Variants in CYB5RL observed in about 807,000 individuals in gnomAD.
CYB5RL encodes the protein NADH-cytochrome b5 reductase-like.
CYB5RL carries 38 observed loss-of-function variants against 37.5 expected under a neutral mutation model. The ratio of observed to expected loss-of-function variants is 1.01; its 90% CI spans 0.78 to 1.33. The LOEUF (loss-of-function observed/expected upper bound fraction) is 1.33, where lower values mean the gene tolerates loss of function less well. Among genes scored for constraint, CYB5RL ranks in the 40% most tolerant of loss-of-function variants. CYB5RL has a pLI of 0.00. For missense variants in CYB5RL, 388 were observed against 394.4 expected, an observed-to-expected ratio of 0.98 and a Z score of 0.14; for synonymous variants, 141 against 151.9, an observed-to-expected ratio of 0.93 and a Z score of 0.53.
chr1:54,193,926 T>C (rs1342404756), intron 3 of CYB5RL, among the ~76,000 whole-genome samples: 2 of 150,594 alleles, frequency 1.3e-5, no homozygotes, highest in African/African-American at 2.4e-5. Context: ...GCTGAGATCA[T>C]GCCACTGTAC....
intron 7 of CYB5RL, among the ~76,000 whole-genome samples, chr1:54,175,886 G>C (rs931925159): frequency 6.6e-6 from 1 of 152,110 alleles, no homozygotes; most frequent in Non-Finnish European, 1.5e-5. Context: ...GCTATCTGCA[G>C]GGGGTCCTGG....
Position 54,171,738 on chromosome 1 carries a change from C to T in CYB5RL, c.*2881G>A, listed in dbSNP as rs1227152312. 9.0e-6 allele frequency: 3 copies of T among 333,946 alleles called. No individual in the cohort carries two copies. In the East Asian group the frequency reaches 2.2e-4, roughly 25 times the overall value. 20.7% of individuals were successfully genotyped at this position (333,946 alleles called of 1,614,324 possible). The stretch of plus-strand genomic sequence containing the variant: ...CGGTGGCCACGCCTCCCACAACACG[C>T]AGTGGGCATCATCAGAGGAACAGCA... On this transcript the variant is annotated 3_prime_UTR_variant, in exon 8 of 8. Transcript: ENST00000534324.
At chr1:54,176,575 T>C (rs1370936458) in intron 7 of CYB5RL, among the ~76,000 whole-genome samples, 4 of 151,862 alleles carry the variant, frequency 2.6e-5, no homozygotes, top group Non-Finnish European at 5.9e-5. Context: ...CCTCACAGAG[T>C]CTGTGCTGAT....
intron 1 of CYB5RL, among the ~76,000 whole-genome samples, chr1:54,198,026 TCAAAAAAAAAAAAAAA>T (rs1557727791): frequency 3.0e-5 from 1 of 33,208 alleles, no homozygotes; most frequent in African/African-American, 1.8e-4. Context: ...AGACTCTGTC[TCAAAAAAAAAAAAAAA>T]AAAAAAAAAA....
chr1:54,191,272 T>TTTATTTGTCC (rs1465332145), intron 3 of CYB5RL, among the ~76,000 whole-genome samples: 12 of 152,200 alleles, frequency 7.9e-5, no homozygotes, highest in Non-Finnish European at 1.8e-4. Flanking sequence ...CTTCTGAGTC[T>TTTATTTGTCC]TTATTTGCTC....
Position 54,195,595 on chromosome 1 carries a change from C to T in CYB5RL, c.22G>A (p.Asp8Asn), listed in dbSNP as rs775737889. 6.2e-7 allele frequency: 1 copy of T among 1,611,328 alleles called. No individual in the cohort carries two copies. Among genetic ancestry groups the T allele is most frequent in the Admixed American group, 1.7e-5 (1 of 59,926 alleles). Reference protein sequence around the residue: MMAEREEDDDTEEAWMQL... With the variant: MMAEREENDDTEEAWMQL... Reference sequence around the variant, plus strand: ...ATCCAGGCTTCCTCAGTGTCGTCGTCCTCTTCCCTCTCAGCCATCATCAGT... The same window carrying T: ...ATCCAGGCTTCCTCAGTGTCGTCGTTCTCTTCCCTCTCAGCCATCATCAGT... The change falls in exon 3 of 8, where the codon GAC becomes AAC. Residue 8 changes from aspartate (D) to asparagine (N), a missense_variant. Asp to Asn is a conservative substitution (Grantham distance 23, BLOSUM62 1). Transcript: ENST00000534324.
Position 54,195,656 on chromosome 1 carries a change from T to A in CYB5RL, c.-40A>T. Reference sequence around the variant, plus strand: ...CAGCCTAGAAGGAACAACTGGGTGCTCTTCCAGAACAGGCCAGGCTCTATG... The same window carrying A: ...CAGCCTAGAAGGAACAACTGGGTGCACTTCCAGAACAGGCCAGGCTCTATG... On this transcript the variant is annotated 5_prime_UTR_variant, in exon 3 of 8. Transcript: ENST00000534324. 1 of 1,567,944 alleles carries A rather than the reference T, an allele frequency of 6.4e-7. No homozygotes were observed. The highest frequency in any genetic ancestry group is 1.7e-5 in the Admixed American group (1 of 57,344).
Position 54,174,710 on chromosome 1 carries a change from G to A in CYB5RL, c.857C>T (p.Ala286Val). The A allele has an allele frequency of 6.2e-7, 1 of 1,613,996 alleles. No individual in the cohort carries two copies. Among genetic ancestry groups the A allele is most frequent in the Non-Finnish European group, 8.5e-7 (1 of 1,179,890 alleles). ...LVSCCRRKPF[A>V]LVCGSAEFTK... Reference sequence around the variant, plus strand: ...GAACTCAGCCGAGCCACAGACCAGTGCGAATGGCTTTCTCCGACAGCAGCT... The same window carrying A: ...GAACTCAGCCGAGCCACAGACCAGTACGAATGGCTTTCTCCGACAGCAGCT... Residue 286 changes from alanine to valine, a missense_variant, in exon 8 of 8, where the codon GCA becomes GTA. Ala to Val is a moderately conservative substitution (Grantham distance 64). Coordinates refer to ENST00000534324, the MANE Select transcript of CYB5RL (RefSeq NM_001031672.4).
At position 54,174,581 on chromosome 1, in the gene CYB5RL, G is replaced by A. The variant is rs777476366; in HGVS notation, c.*38C>T. 1.9e-6 allele frequency: 3 copies of A among 1,571,404 alleles called. No individual in the cohort carries two copies. The highest frequency in any genetic ancestry group is 2.3e-5 in the South Asian group (2 of 85,646). ...CTGTGCTCCTTCCTGGGTCCCAGTA[G>A]CAGGCTCATGGCCTAGGCTTTGGAA... On this transcript the variant is annotated 3_prime_UTR_variant, in exon 8 of 8. Coordinates refer to ENST00000534324, the MANE Select transcript of CYB5RL (RefSeq NM_001031672.4).
In CYB5RL at chr1:54,170,836, T is replaced by C; in HGVS notation, c.*3783A>G. 1 of 314,686 alleles carries C rather than the reference T, an allele frequency of 3.2e-6. No individual in the cohort carries two copies. Among genetic ancestry groups the C allele is most frequent in the African/African-American group, 2.2e-5 (1 of 46,490 alleles). The allele number at this position is 314,686 out of a possible 1,614,324, so 19.5% of individuals were successfully genotyped here. ...GAAAATCGCTTGAAGTCTCAGAAGCTTAGTTTCCTCATCAGTAAATTGGGG... is the reference window on the plus strand; with the variant it reads ...GAAAATCGCTTGAAGTCTCAGAAGCCTAGTTTCCTCATCAGTAAATTGGGG... On this transcript the variant is annotated 3_prime_UTR_variant, in exon 8 of 8. Transcript: ENST00000534324.
In CYB5RL at chr1:54,195,448, T is replaced by C; in HGVS notation, c.169A>G (p.Arg57Gly). Residue 57 changes from arginine (R) to glycine (G), a missense_variant, in exon 3 of 8, where the codon AGG becomes GGG. Transcript: ENST00000534324. Reference protein sequence around the residue: ...RWEAAQASKDRSLLRGPESQS... With the variant: ...RWEAAQASKDGSLLRGPESQS... ...GACTCTGGCCCACGCAGCAGGCTCC[T>C]GTCCTTGCTGGCTTGGGCTGCCTCC... 6.2e-7 allele frequency: 1 copy of C among 1,610,000 alleles called. No individual in the cohort carries two copies. Among genetic ancestry groups the C allele is most frequent in the Non-Finnish European group, 8.5e-7 (1 of 1,177,358 alleles).
At chr1:54,191,521 C>T (rs1400569892) in intron 3 of CYB5RL, among the ~76,000 whole-genome samples, 1 of 152,230 alleles carries the variant, frequency 6.6e-6, no homozygotes, top group Admixed American at 6.5e-5. Context: ...TCTCAGCCCA[C>T]TGCCTTTAAC....
rs955408612 is a variant in CYB5RL, at chr1:54,187,671, T to C, written c.416A>G (p.Tyr139Cys). Residue 139 changes from tyrosine (Y) to cysteine (C), a missense_variant, in exon 5 of 8, where the codon TAC becomes TGC. Coordinates refer to ENST00000534324, the MANE Select transcript of CYB5RL (RefSeq NM_001031672.4). ...TPISPANAEGYFEVLIKCYQM... is the reference protein window; with the variant it reads ...TPISPANAEGCFEVLIKCYQM... ...ACTCACCTTAATTAACACTTCAAAGTATCCTTCTGCGTTGGCAGGGCTGAT... is the reference window on the plus strand; with the variant it reads ...ACTCACCTTAATTAACACTTCAAAGCATCCTTCTGCGTTGGCAGGGCTGAT... The C allele has an allele frequency of 6.8e-6, 11 of 1,613,898 alleles. No homozygotes were observed. Among genetic ancestry groups the C allele is most frequent in the Admixed American group, 1.7e-5 (1 of 59,996 alleles).
Position 54,195,565 on chromosome 1 carries a change from G to A in CYB5RL, c.52C>T (p.Leu18=). ...GAAGGCAAGGGTTCTGTGGGCCGTA[G>A]CTGCATCCAGGCTTCCTCAGTGTCG... ...DDDTEEAWMQ[L]RPTEPLPSQC... is the part of the protein sequence containing the mutation. The change falls in exon 3 of 8, where the codon CTA becomes TTA. Residue 18 remains leucine, a synonymous_variant. Coordinates refer to ENST00000534324, the MANE Select transcript of CYB5RL (RefSeq NM_001031672.4). 1 of 1,613,698 alleles carries A rather than the reference G, an allele frequency of 6.2e-7. No individual in the cohort carries two copies.
At chr1:54,178,523 C>T (rs1296097517) in intron 7 of CYB5RL, among the ~76,000 whole-genome samples, 1 of 152,120 alleles carries the variant, frequency 6.6e-6, no homozygotes, top group African/African-American at 2.4e-5. Flanking sequence ...CCTGAGTGAG[C>T]GGAGGGGATG....
At chr1:54,190,626 T>C (rs1643941575) in intron 4 of CYB5RL, 122 bp downstream of exon 4, 2 of 1,249,584 alleles carry the variant, frequency 1.6e-6, no homozygotes, top group Admixed American at 2.0e-5. Flanking sequence ...TGTGTCACTA[T>C]GTCTATCTTG....
At chr1:54,198,727 G>A (rs1217531108) in intron 1 of CYB5RL, among the ~76,000 whole-genome samples, 1 of 151,186 alleles carries the variant, frequency 6.6e-6, no homozygotes, top group East Asian at 1.9e-4. Context: ...GATCTCCGAG[G>A]CCCAAGTGAT....
rs1659867405 is a variant in CYB5RL at position 54,170,537 on chromosome 1, C to T, written c.*4082G>A. On this transcript the variant is annotated 3_prime_UTR_variant, in exon 8 of 8. Coordinates refer to ENST00000534324, the MANE Select transcript of CYB5RL (RefSeq NM_001031672.4). Reference sequence around the variant, plus strand: ...TCACACCATTCTCCTGCCTCAGCCTCCCGAGTAGCTGGGACTATAGGCGCA... The same window carrying T: ...TCACACCATTCTCCTGCCTCAGCCTTCCGAGTAGCTGGGACTATAGGCGCA... 1 of 154,426 alleles carries T rather than the reference C, an allele frequency of 6.5e-6. No homozygotes were observed. The highest frequency in any genetic ancestry group is 1.4e-5 in the Non-Finnish European group (1 of 69,454). The allele number at this position is 154,426 out of a possible 1,614,324, so 9.6% of individuals were successfully genotyped here. A position where few individuals can be genotyped will look rare whatever the true frequency, so the allele number is the denominator to read the frequency against.
In CYB5RL at chr1:54,187,675, C is replaced by T; in HGVS notation, c.412G>A (p.Gly138Arg). The change falls in exon 5 of 8, where the codon GGA (glycine) becomes AGA (arginine). Residue 138 changes from glycine to arginine, a missense_variant. By Grantham distance (125) the Gly-to-Arg change is moderately radical. Coordinates refer to ENST00000534324, the MANE Select transcript of CYB5RL (RefSeq NM_001031672.4). ...ACCTTAATTAACACTTCAAAGTATCCTTCTGCGTTGGCAGGGCTGATGGGC... is the reference window on the plus strand; with the variant it reads ...ACCTTAATTAACACTTCAAAGTATCTTTCTGCGTTGGCAGGGCTGATGGGC... ...YTPISPANAE[G>R]YFEVLIKCYQ... The T allele has an allele frequency of 6.2e-7, 1 of 1,613,978 alleles. No homozygotes were observed. The highest frequency in any genetic ancestry group is 2.2e-5 in the East Asian group (1 of 44,890).
Sources: allele counts gnomAD v4.1 joint callset (sites outside exome capture counted in the v4.1 genomes callset), GRCh38; gene constraint gnomAD v4.1.1; transcripts MANE v1.5; gene names NCBI Gene and HGNC (gene_info 2026-07-23, HGNC 2026-07-21).